BLOC1S3: variants seen among roughly 807,000 people sequenced by gnomAD.
BLOC1S3 encodes the protein biogenesis of lysosome-related organelles complex 1 subunit 3.
A neutral mutation model predicts 9.1 loss-of-function variants in BLOC1S3; 7 were observed. The observed-to-expected ratio is 0.77, with a 90% confidence interval of 0.44 to 1.45. The LOEUF (loss-of-function observed/expected upper bound fraction) is 1.45. Ranked by LOEUF, BLOC1S3 falls within the 40% of genes most tolerant of loss-of-function variation. The pLI is 0.01. For missense variants in BLOC1S3, 307 were observed against 315.2 expected (o/e 0.97, Z 0.20); for synonymous variants, 145 against 158.4 (o/e 0.92, Z 0.64).
intron 2 of BLOC1S3, among the ~76,000 whole-genome samples, chr19:45,192,396 C>T (rs1236846366): frequency 6.6e-6 from 1 of 152,150 alleles, no homozygotes; most frequent in Non-Finnish European, 1.5e-5. Context: ...CCCCAAGAGC[C>T]AACTTGGTGC....
Position 45,193,524 on chromosome 19 carries a change from G to A in BLOC1S3, n.180+5784G>A, listed in dbSNP as rs76726728. Among the ~76,000 whole-genome samples the A allele has an allele frequency of 0.012, 1,888 of 151,994 alleles. 109 individuals are homozygous for A. In the East Asian group the frequency reaches 0.18, roughly 14 times the overall value. On this transcript the variant is annotated intron_variant and non_coding_transcript_variant, in intron 2 of 3. Transcript: ENST00000591569. ...CAATGTCTGTGCTTCCTCAGAGATG[G>A]TCTCTGTCAAAAGAACTTTTTTTTA...
chr19:45,193,537 G>T (rs1465503044), intron 2 of BLOC1S3, among the ~76,000 whole-genome samples: 1 of 151,854 alleles, frequency 6.6e-6, no homozygotes, highest in Non-Finnish European at 1.5e-5. Flanking sequence ...TCTGTCAAAA[G>T]AACTTTTTTT....
chr19:45,206,373 AAAT>A lies in BLOC1S3; in HGVS notation n.282+3867_282+3869del, dbSNP rs1348036955. Among the ~76,000 whole-genome samples the A allele has an allele frequency of 1.8e-4, 25 of 137,744 alleles. No individual in the cohort carries two copies. The South Asian group carries it at 4.3e-3, about 24-fold the overall frequency. The allele number at this position is 137,744 out of a possible 152,430, so 90.4% of individuals were successfully genotyped here. ...ACTCTCAAAAAAAAAAAAAAAAAAA[AAAT>A]CTATTATTTTCATGGTTTTTCCTGA... On this transcript the variant is annotated intron_variant and non_coding_transcript_variant, in intron 3 of 3. Transcript: ENST00000591569.
intron 2 of BLOC1S3, among the ~76,000 whole-genome samples, chr19:45,195,544 C>A (rs576066957): frequency 8.6e-4 from 122 of 142,224 alleles, no homozygotes; most frequent in African/African-American, 2.8e-3. Context: ...GCCTACTGTT[C>A]TCCTCCCTCC....
intron 2 of BLOC1S3, chr19:45,199,031 T>C (rs1969670162): frequency 6.6e-6 from 1 of 152,134 alleles, no homozygotes; most frequent in Non-Finnish European, 1.5e-5. Flanking sequence ...ATTTGTTACT[T>C]TTCTCTTGCT....
intron 3 of BLOC1S3, among the ~76,000 whole-genome samples, chr19:45,206,137 C>T (rs781719650): frequency 7.9e-5 from 12 of 151,894 alleles, no homozygotes; most frequent in Admixed American, 1.3e-4. Flanking sequence ...CACCTGAGGT[C>T]GGCAGTTCAA....
chr19:45,201,775 TATAGGG>T (rs139983200), intron 2 of BLOC1S3, among the ~76,000 whole-genome samples: 4,778 of 152,206 alleles, frequency 0.031, 129 homozygotes, highest in Middle Eastern at 0.061. Flanking sequence ...TCCCCTATGT[TATAGGG>T]GGTACCCAGT....
downstream of BLOC1S3, among the ~76,000 whole-genome samples, chr19:45,182,733 G>C (rs539709729): frequency 6.6e-6 from 1 of 152,046 alleles, no homozygotes; most frequent in South Asian, 2.1e-4. Flanking sequence ...GCCCAAGTTG[G>C]TCTTGAACTT....
chr19:45,182,716 C>T (rs933551935), downstream of BLOC1S3, among the ~76,000 whole-genome samples: 3 of 152,108 alleles, frequency 2.0e-5, no homozygotes, highest in African/African-American at 7.2e-5. Flanking sequence ...CGAGCTCTCA[C>T]AATGTTGCCC....
chr19:45,179,575 C>T lies in BLOC1S3; in HGVS notation c.279C>T (p.Ala93=), dbSNP rs1028505180. The change falls in exon 2 of 2, where the codon GCC becomes GCT. Residue 93 remains alanine (A), a synonymous_variant. Transcript: ENST00000433642. The surrounding 1 kb of genome is among the most constrained non-coding windows in gnomAD (Gnocchi z 4.6). ...LVVQRESAEE[A]WGTEEAPAPA... is the part of the protein sequence containing the mutation. Reference sequence around the variant, plus strand: ...TGCAGCGGGAATCGGCGGAGGAGGCCTGGGGCACGGAGGAGGCCCCGGCGC... The same window carrying T: ...TGCAGCGGGAATCGGCGGAGGAGGCTTGGGGCACGGAGGAGGCCCCGGCGC... The T allele has an allele frequency of 9.3e-6, 14 of 1,505,346 alleles. No individual in the cohort carries two copies. In the Admixed American group the frequency reaches 1.2e-4, roughly 13 times the overall value. 93.2% of individuals were successfully genotyped at this position (1,505,346 alleles called of 1,614,324 possible). A position where few individuals can be genotyped will look rare whatever the true frequency, so the allele number is the denominator to read the frequency against.
At chr19:45,182,975 T>G (rs1754997231), downstream of BLOC1S3, among the ~76,000 whole-genome samples, 1 of 151,576 alleles carries the variant, frequency 6.6e-6, no homozygotes, top group African/African-American at 2.4e-5. Flanking sequence ...AAGGTGGAAG[T>G]AGGTGAAATG....
chr19:45,216,134 C>G, intron 3 of BLOC1S3: 1 of 1,614,030 alleles, frequency 6.2e-7, no homozygotes, highest in Non-Finnish European at 8.5e-7. Context: ...GGCGTGTCTT[C>G]CAGCTGCATG....
At chr19:45,205,420 C>T (rs1969719507) in intron 3 of BLOC1S3, among the ~76,000 whole-genome samples, 1 of 152,198 alleles carries the variant, frequency 6.6e-6, no homozygotes, top group Non-Finnish European at 1.5e-5. Context: ...CCGCTTCAGC[C>T]TCCCAAAGTG....
chr19:45,213,387 C>A, intron 3 of BLOC1S3: 1 of 1,608,820 alleles, frequency 6.2e-7, no homozygotes, highest in Non-Finnish European at 8.5e-7. Flanking sequence ...CAGGTGCATG[C>A]AGATCCCCAG....
intron 3 of BLOC1S3, among the ~76,000 whole-genome samples, chr19:45,213,625 A>C (rs1599758932): frequency 6.6e-6 from 1 of 150,712 alleles, no homozygotes; most frequent in Non-Finnish European, 1.5e-5. Context: ...CTTCCTTTTC[A>C]CCCCAAGCCT....
downstream of BLOC1S3, among the ~76,000 whole-genome samples, chr19:45,183,126 G>A (rs560753845): frequency 2.3e-4 from 35 of 152,214 alleles, no homozygotes; most frequent in Admixed American, 2.2e-3. Context: ...GGGTGGTTGT[G>A]GGGCAGGGGG....
intron 3 of BLOC1S3, among the ~76,000 whole-genome samples, chr19:45,206,450 G>GTTTTTTTTTTCTTTTTT (rs1969726546): frequency 1.8e-5 from 1 of 55,152 alleles, no homozygotes; most frequent in Non-Finnish European, 3.1e-5. Flanking sequence ...GATTAATCAA[G>GTTTTTTTTTTCTTTTTT]TTTTTTTTTT....
rs1969495961 is a variant in BLOC1S3, at chr19:45,180,116, ATCT to A, written c.*212_*214del. The stretch of plus-strand genomic sequence containing the variant: ...GAGACCAGGGCCCCACTATCCTTAG[ATCT>A]GGTTCCTCTCCCGATCCTGACCCTG... On this transcript the variant is annotated 3_prime_UTR_variant, in exon 2 of 2. Transcript: ENST00000433642. The A allele has an allele frequency of 1.9e-6, 1 of 516,092 alleles. No individual in the cohort carries two copies. Among genetic ancestry groups the A allele is most frequent in the African/African-American group, 2.0e-5 (1 of 48,840 alleles). The allele number at this position is 516,092 out of a possible 1,614,324, so 32.0% of individuals were successfully genotyped here. A position where few individuals can be genotyped will look rare whatever the true frequency, so the allele number is the denominator to read the frequency against.
chr19:45,190,820 T>TTA (rs1599751331), intron 2 of BLOC1S3, among the ~76,000 whole-genome samples: 63 of 148,330 alleles, frequency 4.2e-4, no homozygotes, highest in African/African-American at 1.4e-3. Context: ...TTATTTTATT[T>TTA]TTTGAGAGAG....
Sources: gnomAD v4.1 joint callset for allele counts (sites outside exome capture counted in the v4.1 genomes callset) on GRCh38, gnomAD v4.1.1 for gene constraint, Gnocchi (gnomAD v3.1) non-coding constraint, MANE v1.5 for transcripts, NCBI Gene and HGNC (gene_info 2026-07-23, HGNC 2026-07-21) for gene names.